The following ALDH1A2 variants were observed in gnomAD, a reference collection of about 807,000 sequenced individuals.
ALDH1A2 encodes retinal dehydrogenase 2.
A neutral mutation model predicts 60.3 loss-of-function variants in ALDH1A2; 27 were observed. The observed-to-expected ratio is 0.45, with a 90% CI of 0.33 to 0.62. The LOEUF (loss-of-function observed/expected upper bound fraction) is 0.62, where lower values mean the gene tolerates loss of function less well. ALDH1A2 is among the 20% of genes least tolerant of loss of function. ALDH1A2 has a pLI of 0.02. For synonymous variants in ALDH1A2, 289 were observed against 232.4 expected (o/e 1.24, Z -2.21); for missense variants, 581 against 643.8 (o/e 0.90, Z 1.06).
intron 7 of ALDH1A2, among the ~76,000 whole-genome samples, chr15:57,986,875 G>A (rs763171784): frequency 6.1e-4 from 93 of 152,004 alleles, no homozygotes; most frequent in Admixed American, 1.5e-3. Context: ...GGTTGGTCTC[G>A]GATTCCTGAC....
chr15:58,031,123 G>C (rs1896229565), intron 1 of ALDH1A2, among the ~76,000 whole-genome samples: 1 of 150,860 alleles, frequency 6.6e-6, no homozygotes, highest in South Asian at 2.1e-4. Flanking sequence ...CTGACTTCAA[G>C]GCTACAGTAA....
At position 57,954,023 on chromosome 15, in the gene ALDH1A2, A is replaced by C. The variant is rs1170095159; in HGVS notation, c.*1174T>G. 2.6e-5 allele frequency: 4 copies of C among 152,466 alleles called. No homozygotes were observed. Among genetic ancestry groups the C allele is most frequent in the African/African-American group, 9.6e-5 (4 of 41,462 alleles). The allele number at this position is 152,466 out of a possible 1,614,324, so 9.4% of individuals were successfully genotyped here. ...GCTGTAGGCCATGGCCTGCCCAGTG[A>C]GGGGCAAGAATGGGGTGTGACAGAG... On this transcript the variant is annotated 3_prime_UTR_variant, in exon 13 of 13. Transcript: ENST00000249750.
intron 7 of ALDH1A2, among the ~76,000 whole-genome samples, chr15:57,989,019 T>C (rs1894806158): frequency 6.6e-6 from 1 of 152,006 alleles, no homozygotes; most frequent in Non-Finnish European, 1.5e-5. Context: ...ATAAAAAAAA[T>C]TAGCCAGGCA....
intron 4 of ALDH1A2, among the ~76,000 whole-genome samples, chr15:57,996,978 A>C (rs1025074410): frequency 3.2e-4 from 48 of 152,156 alleles, no homozygotes; most frequent in African/African-American, 1.2e-3. Flanking sequence ...ATGGATATTA[A>C]GGAAATTAGG....
At chr15:57,977,988 G>C (rs1314865712) in intron 7 of ALDH1A2, among the ~76,000 whole-genome samples, 1 of 151,878 alleles carries the variant, frequency 6.6e-6, no homozygotes. Flanking sequence ...TCATGACTTG[G>C]TTGTTTGTCT....
intron 1 of ALDH1A2, among the ~76,000 whole-genome samples, chr15:58,015,611 G>A (rs147554704): frequency 6.6e-6 from 1 of 152,290 alleles, no homozygotes; most frequent in Non-Finnish European, 1.5e-5. Flanking sequence ...AGATGGTTAA[G>A]AGAGTTCCAG....
Position 57,995,217 on chromosome 15 carries a change from C to CAAAAAAAAAAAA in ALDH1A2, c.494-90_494-79dup, listed in dbSNP as rs34068380. 3.8e-4 allele frequency: 109 copies of CAAAAAAAAAAAA among 287,996 alleles called. 7 individuals are homozygous for CAAAAAAAAAAAA. Among genetic ancestry groups the CAAAAAAAAAAAA allele is most frequent in the South Asian group, 1.5e-3 (32 of 21,716 alleles). The allele number at this position is 287,996 out of a possible 1,614,324, so 17.8% of individuals were successfully genotyped here. ...TGCAAAGGGAGAACTTTGGTGGCTG[C>CAAAAAAAAAAAA]AAAAAAAAAAAAAAAAAAACAAACA... On this transcript the variant is annotated intron_variant, in intron 4 of 12. Transcript: ENST00000249750.
chr15:58,024,596 A>G (rs1465216500), intron 1 of ALDH1A2, among the ~76,000 whole-genome samples: 1 of 152,186 alleles, frequency 6.6e-6, no homozygotes, highest in Non-Finnish European at 1.5e-5. Flanking sequence ...TAGACAGACT[A>G]CAATACAATA....
At chr15:58,061,604 A>AAC (rs1722208346) in intron 1 of ALDH1A2, among the ~76,000 whole-genome samples, 2 of 141,172 alleles carry the variant, frequency 1.4e-5, no homozygotes, top group African/African-American at 5.6e-5. Flanking sequence ...TCAAAAAAAA[A>AAC]AAAAACAAAA....
intron 1 of ALDH1A2, among the ~76,000 whole-genome samples, chr15:58,016,536 A>C (rs550112260): frequency 6.6e-6 from 1 of 152,210 alleles, no homozygotes; most frequent in African/African-American, 2.4e-5. Flanking sequence ...CCAAAAATCA[A>C]AAGGAAAAAA....
At chr15:58,011,085 T>TTA (rs1895620065) in intron 3 of ALDH1A2, among the ~76,000 whole-genome samples, 2 of 152,184 alleles carry the variant, frequency 1.3e-5, no homozygotes, top group South Asian at 4.1e-4. Context: ...ACAGCTTCCG[T>TTA]TATATTAATG....
chr15:57,987,966 C>T (rs1196213715), intron 7 of ALDH1A2, among the ~76,000 whole-genome samples: 3 of 151,084 alleles, frequency 2.0e-5, no homozygotes, highest in Admixed American at 1.3e-4. Context: ...ACTAGTAGAC[C>T]TACGCTACAA....
At chr15:58,056,934 G>T (rs1444716696) in intron 1 of ALDH1A2, among the ~76,000 whole-genome samples, 2 of 152,084 alleles carry the variant, frequency 1.3e-5, no homozygotes, top group African/African-American at 2.4e-5. Context: ...CACTGCTGGT[G>T]GGATATACTG....
At chr15:57,955,735 C>T (rs1290348595) in intron 12 of ALDH1A2, among the ~76,000 whole-genome samples, 1 of 136,828 alleles carries the variant, frequency 7.3e-6, no homozygotes, top group Non-Finnish European at 1.6e-5. Flanking sequence ...TTCTTTGGGA[C>T]AGTAGTGTGC....
intron 4 of ALDH1A2, among the ~76,000 whole-genome samples, chr15:57,995,565 T>C (rs561833866): frequency 2.6e-5 from 4 of 152,184 alleles, no homozygotes; most frequent in African/African-American, 7.2e-5. Context: ...TAAAATGCTA[T>C]TGGGCAAATT....
intron 1 of ALDH1A2, among the ~76,000 whole-genome samples, chr15:58,041,618 C>A (rs1175373903): frequency 6.6e-6 from 1 of 151,784 alleles, no homozygotes; most frequent in Non-Finnish European, 1.5e-5. Context: ...GACAAGCTAG[C>A]TCTCTCAGGC....
chr15:58,001,034 TAAAAAA>T (rs10641902), intron 4 of ALDH1A2, among the ~76,000 whole-genome samples: 4 of 126,240 alleles, frequency 3.2e-5, no homozygotes, highest in African/African-American at 1.2e-4. Context: ...TCAAAATTGT[TAAAAAA>T]AAAAAAAAAA....
chr15:58,061,616 A>AAC (rs1566964669), intron 1 of ALDH1A2, among the ~76,000 whole-genome samples: 7 of 148,670 alleles, frequency 4.7e-5, no homozygotes, highest in Non-Finnish European at 1.0e-4. Flanking sequence ...AAAACAAAAA[A>AAC]AAAAAAAAAA....
chr15:57,986,974 T>C (rs1447251406), intron 7 of ALDH1A2, among the ~76,000 whole-genome samples: 1 of 151,894 alleles, frequency 6.6e-6, no homozygotes, highest in African/African-American at 2.4e-5. Context: ...GATTGTAAAA[T>C]AGATGTCTAC....
Sources: allele counts gnomAD v4.1 joint callset (sites outside exome capture counted in the v4.1 genomes callset), GRCh38; gene constraint gnomAD v4.1.1; transcripts MANE v1.5; gene names NCBI Gene and HGNC (gene_info 2026-07-23, HGNC 2026-07-21).